The following GRIK2 variants were observed in gnomAD, a reference collection of about 807,000 sequenced individuals.
GRIK2 encodes the protein glutamate ionotropic receptor kainate type subunit 2.
Under a neutral mutation model 100.3 loss-of-function variants are expected in GRIK2, and 32 were observed. The ratio of observed to expected loss-of-function variants is 0.32; its 90% CI spans 0.24 to 0.43. GRIK2 has a LOEUF of 0.43. Among genes scored for constraint, GRIK2 ranks in the 20% least tolerant of loss-of-function variants. The pLI is 1.00. For missense variants in GRIK2, 843 were observed against 1,114.9 expected, an observed-to-expected ratio of 0.76 and a Z score of 3.47; for synonymous variants, 417 against 389.4, an observed-to-expected ratio of 1.07 and a Z score of -0.83.
chr6:101,988,120 TGTGTGTGTGTGTGCGCGCGCGC>T (rs1454969194), intron 14 of GRIK2, among the ~76,000 whole-genome samples: 1 of 45,704 alleles, frequency 2.2e-5, no homozygotes, highest in African/African-American at 9.5e-5. Flanking sequence ...TGTGTGTGTG[TGTGTGTGTGTGTGCGCGCGCGC>T]GCGCGCGCGC....
At chr6:102,039,637 T>C (rs978094977) in intron 15 of GRIK2, among the ~76,000 whole-genome samples, 4 of 151,510 alleles carry the variant, frequency 2.6e-5, no homozygotes, top group African/African-American at 7.3e-5. Context: ...GCTTCTCTCC[T>C]GACTGCCTGT....
intron 4 of GRIK2, among the ~76,000 whole-genome samples, chr6:101,663,332 G>T (rs564668177): frequency 6.6e-6 from 1 of 152,166 alleles, no homozygotes; most frequent in African/African-American, 2.4e-5. Flanking sequence ...CTGAAGTTGG[G>T]TTATCACAAG....
intron 2 of GRIK2, among the ~76,000 whole-genome samples, chr6:101,587,987 C>T (rs1394227247): frequency 6.6e-6 from 1 of 151,962 alleles, no homozygotes; most frequent in East Asian, 1.9e-4. Flanking sequence ...TCAAAAATAA[C>T]TTTGGGGCAG....
chr6:101,397,639 G>C (rs956828751), intron 1 of GRIK2, among the ~76,000 whole-genome samples: 1 of 151,334 alleles, frequency 6.6e-6, no homozygotes, highest in African/African-American at 2.4e-5. Context: ...TTAAAAAATC[G>C]CTGTAAGGAA....
chr6:102,063,281 A>T (rs995898735), intron 16 of GRIK2, among the ~76,000 whole-genome samples: 1 of 150,644 alleles, frequency 6.6e-6, no homozygotes, highest in African/African-American at 2.4e-5. Flanking sequence ...TAGTTATTTT[A>T]TACTATCAAA....
intron 7 of GRIK2, among the ~76,000 whole-genome samples, chr6:101,743,503 T>G (rs1388590261): frequency 2.0e-5 from 3 of 152,224 alleles, no homozygotes; most frequent in African/African-American, 4.8e-5. Flanking sequence ...GACCAGCTAA[T>G]AGCTGTCTTC....
chr6:101,420,418 A>G (rs1776356841), intron 2 of GRIK2, among the ~76,000 whole-genome samples: 1 of 152,208 alleles, frequency 6.6e-6, no homozygotes, highest in African/African-American at 2.4e-5. Flanking sequence ...GAAATTGCTA[A>G]TATTTGGACA....
At chr6:101,592,010 C>A (rs547875937) in intron 2 of GRIK2, among the ~76,000 whole-genome samples, 1 of 151,966 alleles carries the variant, frequency 6.6e-6, no homozygotes, top group Admixed American at 6.6e-5. Context: ...CGAATTCTTG[C>A]TCAATTAGTT....
At chr6:101,443,181 A>G (rs1770177944) in intron 2 of GRIK2, among the ~76,000 whole-genome samples, 1 of 152,190 alleles carries the variant, frequency 6.6e-6, no homozygotes, top group Admixed American at 6.5e-5. Context: ...AGAGGCACAT[A>G]GTTACTTAAG....
chr6:101,537,104 G>A (rs1183086734), intron 2 of GRIK2, among the ~76,000 whole-genome samples: 4 of 151,734 alleles, frequency 2.6e-5, no homozygotes, highest in South Asian at 2.1e-4. Flanking sequence ...CAAACAGGCC[G>A]GAGAAGTTAA....
At chr6:102,040,764 T>A (rs1395991571) in intron 15 of GRIK2, among the ~76,000 whole-genome samples, 1 of 151,634 alleles carries the variant, frequency 6.6e-6, no homozygotes, top group African/African-American at 2.4e-5. Flanking sequence ...GAAATATTCA[T>A]CATTATAGAT....
intron 14 of GRIK2, among the ~76,000 whole-genome samples, chr6:101,995,246 T>G (rs2128493373): frequency 6.6e-6 from 1 of 151,952 alleles, no homozygotes; most frequent in Non-Finnish European, 1.5e-5. Context: ...CACTGATTAA[T>G]CAGAATGCAG....
At position 101,504,185 on chromosome 6, in the gene GRIK2, C is replaced by T. The variant is rs556046441; in HGVS notation, c.115+104793C>T. 2.0e-5 allele frequency among the ~76,000 whole-genome samples: 3 copies of T among 151,632 alleles called. No homozygotes were observed. The South Asian group carries it at 6.2e-4, about 32-fold the overall frequency. On this transcript the variant is annotated intron_variant, in intron 2 of 16. Transcript: ENST00000369134. Reference sequence around the variant, plus strand: ...TCCATGAAACAACTGAAATATTGCACTGTGTTTAGCATACTTTCCTGAGAC... The same window carrying T: ...TCCATGAAACAACTGAAATATTGCATTGTGTTTAGCATACTTTCCTGAGAC...
At chr6:101,677,680 A>G (rs898730447) in intron 5 of GRIK2, among the ~76,000 whole-genome samples, 1 of 152,118 alleles carries the variant, frequency 6.6e-6, no homozygotes, top group African/African-American at 2.4e-5. Context: ...TTTTATGCAC[A>G]CTGAGCTGAC....
chr6:101,602,980 G>C (rs981296256), intron 2 of GRIK2, among the ~76,000 whole-genome samples: 2 of 151,480 alleles, frequency 1.3e-5, no homozygotes, highest in Non-Finnish European at 3.0e-5. Context: ...CTTATAGCAG[G>C]GTCTTACAGA....
At chr6:101,523,876 C>T (rs569006959) in intron 2 of GRIK2, among the ~76,000 whole-genome samples, 16 of 152,148 alleles carry the variant, frequency 1.1e-4, no homozygotes, top group South Asian at 1.0e-3. Flanking sequence ...CTCACCAGCA[C>T]GTGTGGCTAA....
At chr6:101,578,316 C>T (rs1235197422) in intron 2 of GRIK2, among the ~76,000 whole-genome samples, 1 of 152,078 alleles carries the variant, frequency 6.6e-6, no homozygotes, top group Non-Finnish European at 1.5e-5. Context: ...TCAGCAGTAC[C>T]AGGTTAAATC....
chr6:101,777,230 C>T (rs1261210958), intron 7 of GRIK2, among the ~76,000 whole-genome samples: 1 of 152,146 alleles, frequency 6.6e-6, no homozygotes, highest in Non-Finnish European at 1.5e-5. Flanking sequence ...TCATCAGTCC[C>T]TCAGTTCAGC....
chr6:101,693,419 T>C (rs1201773547), intron 7 of GRIK2, among the ~76,000 whole-genome samples: 1 of 151,764 alleles, frequency 6.6e-6, no homozygotes, highest in East Asian at 1.9e-4. Context: ...TTATTTTATA[T>C]TTAAAAATGT....
Sources: gnomAD v4.1 joint callset for allele counts (sites outside exome capture counted in the v4.1 genomes callset) on GRCh38, gnomAD v4.1.1 for gene constraint, MANE v1.5 for transcripts, NCBI Gene and HGNC (gene_info 2026-07-23, HGNC 2026-07-21) for gene names.